ZMAT4: variants seen among roughly 807,000 people sequenced by gnomAD.
The protein encoded by ZMAT4 is zinc finger matrin-type 4, also known as zinc finger matrin-type protein 4.
ZMAT4 carries 17 observed loss-of-function variants against 28.7 expected under a neutral mutation model. The observed-to-expected ratio is 0.59, with a 90% CI of 0.41 to 0.89. The LOEUF (loss-of-function observed/expected upper bound fraction) is 0.89. Among genes scored for constraint, ZMAT4 ranks in the 40% least tolerant of loss-of-function variants. The pLI is 0.00. For missense variants in ZMAT4, 240 were observed against 283.8 expected (o/e 0.85, Z 1.11); for synonymous variants, 117 against 109.2 (o/e 1.07, Z -0.44).
intron 6 of ZMAT4, among the ~76,000 whole-genome samples, chr8:40,550,699 C>G (rs1803342755): frequency 6.6e-6 from 1 of 152,102 alleles, no homozygotes. Flanking sequence ...ATCCTGCTGC[C>G]CTGTGAGGAA....
At chr8:40,740,667 G>A (rs1251431426) in intron 3 of ZMAT4, among the ~76,000 whole-genome samples, 5 of 152,144 alleles carry the variant, frequency 3.3e-5, no homozygotes, top group Admixed American at 1.3e-4. Context: ...AGAGATTGGT[G>A]CATATAAAGA....
At chr8:40,638,239 AAATATGTGAGGT>A (rs1250975111) in intron 5 of ZMAT4, among the ~76,000 whole-genome samples, 1 of 152,214 alleles carries the variant, frequency 6.6e-6, no homozygotes, top group Non-Finnish European at 1.5e-5. Context: ...AGGAAATGAT[AAATATGTGAGGT>A]AATAGATATG....
chr8:40,840,297 A>C (rs1281023536), intron 1 of ZMAT4, among the ~76,000 whole-genome samples: 2 of 152,180 alleles, frequency 1.3e-5, no homozygotes, highest in Non-Finnish European at 2.9e-5. Context: ...TCAGTGCAAC[A>C]CAACATGGAC....
chr8:40,679,375 A>G (rs1809050352), intron 4 of ZMAT4, among the ~76,000 whole-genome samples: 1 of 152,138 alleles, frequency 6.6e-6, no homozygotes, highest in Non-Finnish European at 1.5e-5. Context: ...TCACCCTACT[A>G]ATAAAGACAT....
chr8:40,775,074 C>T (rs1813534703), intron 2 of ZMAT4, among the ~76,000 whole-genome samples: 1 of 152,206 alleles, frequency 6.6e-6, no homozygotes, highest in Admixed American at 6.5e-5. Context: ...GTTGGTTTCA[C>T]TGTTGTATCC....
At chr8:40,743,205 G>A (rs1812086576) in intron 3 of ZMAT4, among the ~76,000 whole-genome samples, 1 of 152,132 alleles carries the variant, frequency 6.6e-6, no homozygotes, top group Non-Finnish European at 1.5e-5. Context: ...TGACCTCTCT[G>A]AAAGAAGCCT....
At chr8:40,553,420 T>G (rs1454626109) in intron 6 of ZMAT4, among the ~76,000 whole-genome samples, 4 of 152,166 alleles carry the variant, frequency 2.6e-5, no homozygotes, top group African/African-American at 9.7e-5. Flanking sequence ...AAGTAGAGGG[T>G]GGCATACTGC....
At chr8:40,559,307 C>T (rs544378951) in intron 6 of ZMAT4, among the ~76,000 whole-genome samples, 1 of 152,250 alleles carries the variant, frequency 6.6e-6, no homozygotes, top group Admixed American at 6.5e-5. Flanking sequence ...CATACAGGGC[C>T]TAATTATAAT....
intron 1 of ZMAT4, among the ~76,000 whole-genome samples, chr8:40,867,812 C>A (rs1817727579): frequency 6.6e-6 from 1 of 152,168 alleles, no homozygotes; most frequent in Non-Finnish European, 1.5e-5. Context: ...GTTATTTTCC[C>A]ACTCTGCATT....
At chr8:40,890,655 A>C (rs1818635698) in intron 1 of ZMAT4, among the ~76,000 whole-genome samples, 1 of 152,060 alleles carries the variant, frequency 6.6e-6, no homozygotes, top group Non-Finnish European at 1.5e-5. Context: ...AAATGTGAGC[A>C]TGTCATTTCC....
At chr8:40,846,803 G>T (rs1393587871) in intron 1 of ZMAT4, among the ~76,000 whole-genome samples, 1 of 152,168 alleles carries the variant, frequency 6.6e-6, no homozygotes, top group Non-Finnish European at 1.5e-5. Context: ...ATGTTTAACG[G>T]CAGGAGGAGT....
intron 2 of ZMAT4, among the ~76,000 whole-genome samples, chr8:40,818,836 C>T (rs1455992418): frequency 1.3e-5 from 2 of 152,098 alleles, no homozygotes; most frequent in Non-Finnish European, 2.9e-5. Flanking sequence ...ATGCTTACTT[C>T]GGGCTATTAG....
At chr8:40,651,422 A>G (rs1240200406) in intron 5 of ZMAT4, among the ~76,000 whole-genome samples, 1 of 151,746 alleles carries the variant, frequency 6.6e-6, no homozygotes, top group African/African-American at 2.4e-5. Context: ...TCAAGGAAAT[A>G]AAAGAGGATA....
intron 5 of ZMAT4, among the ~76,000 whole-genome samples, chr8:40,637,185 A>G (rs1341562645): frequency 6.6e-6 from 1 of 152,202 alleles, no homozygotes; most frequent in Non-Finnish European, 1.5e-5. Context: ...TTTCTCAGTC[A>G]AATTGCAAAC....
rs1439687437 is a variant in ZMAT4 at position 40,556,509 on chromosome 8, A to G, written c.675-24271T>C. 1.1e-4 allele frequency among the ~76,000 whole-genome samples: 16 copies of G among 152,120 alleles called. No individual in the cohort carries two copies. The East Asian group carries it at 3.1e-3, about 29-fold the overall frequency. On this transcript the variant is annotated intron_variant, in intron 6 of 6. Coordinates refer to ENST00000297737, the MANE Select transcript of ZMAT4 (RefSeq NM_024645.3). ...ACAGTGTTGTTAATGTCTTAGATAA[A>G]TCTCTTGTCCCGTTCTCCACCCAGT...
At chr8:40,719,562 A>G (rs2150515417) in intron 3 of ZMAT4, among the ~76,000 whole-genome samples, 1 of 151,994 alleles carries the variant, frequency 6.6e-6, no homozygotes, top group Middle Eastern at 3.4e-3. Flanking sequence ...AAGGCACTCA[A>G]GGCCCTTTTT....
intron 2 of ZMAT4, among the ~76,000 whole-genome samples, chr8:40,772,886 C>T (rs764359803): frequency 6.6e-6 from 1 of 152,144 alleles, no homozygotes; most frequent in Non-Finnish European, 1.5e-5. Context: ...ACAGCAAACA[C>T]CAAACATCTA....
intron 3 of ZMAT4, among the ~76,000 whole-genome samples, chr8:40,729,254 G>T (rs900223535): frequency 2.0e-5 from 3 of 152,122 alleles, no homozygotes; most frequent in Admixed American, 1.3e-4. Context: ...TACTCTAGGA[G>T]GTACGGTACA....
chr8:40,599,092 A>C (rs1805202956), intron 5 of ZMAT4, among the ~76,000 whole-genome samples: 1 of 152,192 alleles, frequency 6.6e-6, no homozygotes, highest in Non-Finnish European at 1.5e-5. Flanking sequence ...AATACTTCAC[A>C]ATTGAAATCT....
Sources: allele counts gnomAD v4.1 joint callset (sites outside exome capture counted in the v4.1 genomes callset), GRCh38; gene constraint gnomAD v4.1.1; transcripts MANE v1.5; gene names NCBI Gene and HGNC (gene_info 2026-07-23, HGNC 2026-07-21).